Variants in ARHGAP26 observed in about 807,000 individuals in gnomAD.
ARHGAP26 encodes the protein rho GTPase-activating protein 26.
A neutral mutation model predicts 104.8 loss-of-function variants in ARHGAP26; 38 were observed. That is an observed-to-expected ratio of 0.36 (90% CI 0.28 to 0.48). The LOEUF (loss-of-function observed/expected upper bound fraction) is 0.48. ARHGAP26 is among the 20% of genes least tolerant of loss of function. The pLI, the probability that ARHGAP26 is intolerant of heterozygous loss-of-function variation, is 0.99. For missense variants in ARHGAP26, 704 were observed against 947.9 expected, an observed-to-expected ratio of 0.74 and a Z score of 3.38; for synonymous variants, 341 against 340.0, an observed-to-expected ratio of 1.00 and a Z score of -0.03.
chr5:142,850,545 C>A (rs537687039), intron 1 of ARHGAP26, among the ~76,000 whole-genome samples: 1 of 152,146 alleles, frequency 6.6e-6, no homozygotes, highest in African/African-American at 2.4e-5. Context: ...TACAAACTTT[C>A]GAAGTTATTA....
intron 20 of ARHGAP26, among the ~76,000 whole-genome samples, chr5:143,164,207 A>G (rs942129005): frequency 6.6e-6 from 1 of 152,212 alleles, no homozygotes; most frequent in South Asian, 2.1e-4. Flanking sequence ...ATGGAAAAGG[A>G]AAGTTTTGAG....
chr5:142,943,432 A>T (rs528080790), intron 11 of ARHGAP26, among the ~76,000 whole-genome samples: 2 of 152,314 alleles, frequency 1.3e-5, no homozygotes, highest in East Asian at 3.9e-4. Flanking sequence ...TGATTCATAG[A>T]TGGCACCTTT....
chr5:142,845,933 C>T (rs1358253610), intron 1 of ARHGAP26, among the ~76,000 whole-genome samples: 2 of 152,204 alleles, frequency 1.3e-5, no homozygotes, highest in Non-Finnish European at 2.9e-5. Flanking sequence ...GCATTTTCTC[C>T]TTGTTTCCTC....
intron 11 of ARHGAP26, among the ~76,000 whole-genome samples, chr5:142,978,659 A>G (rs1773478962): frequency 6.6e-6 from 1 of 152,104 alleles, no homozygotes; most frequent in Admixed American, 6.6e-5. Flanking sequence ...ATTGAAATCA[A>G]TTGGCATGAT....
At chr5:142,922,196 ATT>A (rs1763287411) in intron 10 of ARHGAP26, 1 of 152,178 alleles carries the variant, frequency 6.6e-6, no homozygotes, top group Admixed American at 6.5e-5. Context: ...TTAAAATAAT[ATT>A]GTTTCTTCTA....
intron 3 of ARHGAP26, 31 bp downstream of exon 3, chr5:142,875,202 G>A: frequency 6.2e-7 from 1 of 1,607,454 alleles, no homozygotes; most frequent in Non-Finnish European, 8.5e-7. Flanking sequence ...CTTGGTCCCA[G>A]ATAGTATATT....
At chr5:142,852,201 CCTGCAGGGCCT>C (rs1751632967) in intron 1 of ARHGAP26, among the ~76,000 whole-genome samples, 1 of 152,180 alleles carries the variant, frequency 6.6e-6, no homozygotes, top group Admixed American at 6.5e-5. Flanking sequence ...GGTAGTTTGG[CCTGCAGGGCCT>C]CTGAGCGGTC....
chr5:143,127,509 GC>G (rs1443860801), intron 18 of ARHGAP26, among the ~76,000 whole-genome samples: 4 of 152,148 alleles, frequency 2.6e-5, no homozygotes, highest in African/African-American at 9.7e-5. Context: ...AAAGATCGGT[GC>G]CCCTTTTTAA....
In ARHGAP26 at chr5:142,894,269, A is replaced by G. The variant is rs767782038; in HGVS notation, c.518A>G (p.His173Arg). The G allele has an allele frequency of 1.5e-5, 25 of 1,614,014 alleles. No homozygotes were observed. Among genetic ancestry groups the G allele is most frequent in the Non-Finnish European group, 2.0e-5 (24 of 1,179,964 alleles). The change falls in exon 6 of 23, where the codon CAT becomes CGT. Residue 173 changes from histidine (H) to arginine (R), a missense_variant. His to Arg is a conservative substitution (Grantham distance 29). Around this residue, in one of 6 missense-constraint regions of ARHGAP26, gnomAD observed 106 missense variants for 120.5 expected, o/e 0.88. Transcript: ENST00000645722. The stretch of plus-strand genomic sequence containing the variant: ...AGCCAAGTGGACCTGGTCCGGCAGC[A>G]TTTCTATGAAGTATCCCTGGAATAT... ...ADSQVDLVRQHFYEVSLEYVF... is the reference protein window; with the variant it reads ...ADSQVDLVRQRFYEVSLEYVF...
At chr5:143,148,780 T>C (rs940426103) in intron 20 of ARHGAP26, among the ~76,000 whole-genome samples, 3 of 152,216 alleles carry the variant, frequency 2.0e-5, no homozygotes, top group African/African-American at 7.2e-5. Context: ...AGGGAGATTC[T>C]ATTTTCTTTA....
In ARHGAP26 at chr5:142,963,198, A is replaced by ATATGTGTGTGTGTGTGTG. The variant is rs869247749; in HGVS notation, c.1107+31074_1107+31075insATGTGTGTGTGTGTGTGT. Among the ~76,000 whole-genome samples, 118 of 98,194 alleles carry ATATGTGTGTGTGTGTGTG rather than the reference A, an allele frequency of 1.2e-3. 1 individual carries two copies. The highest frequency in any genetic ancestry group is 6.5e-3 in the African/African-American group (105 of 16,238). 64.4% of individuals were successfully genotyped at this position (98,194 alleles called of 152,430 possible). A position where few individuals can be genotyped will look rare whatever the true frequency, so the allele number is the denominator to read the frequency against. On this transcript the variant is annotated intron_variant, in intron 11 of 22. Transcript: ENST00000645722. ...TATATATATATATATATATATATAT[A>ATATGTGTGTGTGTGTGTG]TGTGTGTGTGTGTGTGTGTGTGCGC...
intron 11 of ARHGAP26, among the ~76,000 whole-genome samples, chr5:142,965,112 C>T (rs1771081377): frequency 6.6e-6 from 1 of 152,194 alleles, no homozygotes; most frequent in Admixed American, 6.5e-5. Flanking sequence ...GCCATTATTT[C>T]TGCATATCAG....
chr5:143,173,564 A>G (rs1019728376), intron 20 of ARHGAP26, among the ~76,000 whole-genome samples: 10 of 152,214 alleles, frequency 6.6e-5, no homozygotes, highest in African/African-American at 2.2e-4. Context: ...CGCAATTTAC[A>G]TAGGCATTGT....
intron 12 of ARHGAP26, among the ~76,000 whole-genome samples, chr5:143,023,562 T>A (rs1562279459): frequency 6.6e-6 from 1 of 152,234 alleles, no homozygotes; most frequent in Non-Finnish European, 1.5e-5. Flanking sequence ...GGCCTTTTGC[T>A]GTTAGAACAC....
rs1286103360 is a variant in ARHGAP26, at chr5:143,092,163, T to G, written c.1539-28825T>G. ...CTTGTTGCAAACATCCCTTTGTTTT[T>G]TTTTTTGTTTTTTTTTTTTTGAGAT... is the stretch of plus-strand genomic sequence containing the variant. On this transcript the variant is annotated intron_variant, in intron 17 of 22. Coordinates refer to ENST00000645722, the MANE Select transcript of ARHGAP26 (RefSeq NM_001135608.3). Among the ~76,000 whole-genome samples, 277 of 58,534 alleles carry G rather than the reference T, an allele frequency of 4.7e-3. 2 individuals are homozygous for G. Among genetic ancestry groups the G allele is most frequent in the Middle Eastern group, 0.021 (2 of 96 alleles). The allele number at this position is 58,534 out of a possible 152,430, so 38.4% of individuals were successfully genotyped here. A position where few individuals can be genotyped will look rare whatever the true frequency, so the allele number is the denominator to read the frequency against.
chr5:143,005,106 C>A (rs906741268), intron 11 of ARHGAP26, among the ~76,000 whole-genome samples: 9 of 152,110 alleles, frequency 5.9e-5, no homozygotes, highest in Non-Finnish European at 1.2e-4. Context: ...ATTACCACAA[C>A]CCTTGTCTGT....
rs779217172 is a variant in ARHGAP26 at position 143,056,006 on chromosome 5, A to G, written c.1374-22A>G. The stretch of plus-strand genomic sequence containing the variant: ...GATTATTCTTATTATTAAGCTGACT[A>G]GCCTATCTCCTTTTCCTCCAGAATG... On this transcript the variant is annotated intron_variant, in intron 15 of 22. Transcript: ENST00000645722. 2.6e-5 allele frequency: 42 copies of G among 1,592,872 alleles called. No individual in the cohort carries two copies. In the Middle Eastern group the frequency reaches 5.0e-4, roughly 19 times the overall value.
At chr5:142,803,058 G>A (rs1315640336) in intron 1 of ARHGAP26, among the ~76,000 whole-genome samples, 3 of 152,084 alleles carry the variant, frequency 2.0e-5, no homozygotes, top group African/African-American at 7.2e-5. Flanking sequence ...CTGTCATAAA[G>A]TATGGGAACC....
chr5:142,915,137 T>C (rs1187727675), intron 10 of ARHGAP26, among the ~76,000 whole-genome samples: 1 of 152,174 alleles, frequency 6.6e-6, no homozygotes, highest in Admixed American at 6.5e-5. Flanking sequence ...ACCTCCATCT[T>C]ATTTCCACCC....
Sources: allele counts gnomAD v4.1 joint callset (sites outside exome capture counted in the v4.1 genomes callset), GRCh38; gene constraint gnomAD v4.1.1; regional missense constraint gnomAD v4.1.1; transcripts MANE v1.5; gene names NCBI Gene and HGNC (gene_info 2026-07-23, HGNC 2026-07-21).